UGT1A10: variants seen among roughly 807,000 people sequenced by gnomAD.
The protein encoded by UGT1A10 is UDP-glucuronosyltransferase 1A10.
In UGT1A10, 49 loss-of-function variants were observed where a neutral mutation model predicts 45.8. That is an observed-to-expected ratio of 1.07 (90% CI 0.85 to 1.36). UGT1A10 has a LOEUF of 1.36. UGT1A10 is among the 40% of genes most tolerant of loss of function. UGT1A10 has a pLI of 0.00. For synonymous variants in UGT1A10, 284 were observed against 249.7 expected (o/e 1.14, Z -1.29); for missense variants, 745 against 668.6 (o/e 1.11, Z -1.26).
intron 1 of UGT1A10, among the ~76,000 whole-genome samples, chr2:233,759,016 T>G (rs1226235816): frequency 6.6e-6 from 1 of 152,208 alleles, no homozygotes; most frequent in Non-Finnish European, 1.5e-5. Context: ...TTAATTGAAT[T>G]TGCTTATCTA....
chr2:233,689,749 A>G (rs891969745), intron 1 of UGT1A10: 5 of 278,212 alleles, frequency 1.8e-5, no homozygotes, highest in Non-Finnish European at 3.6e-5. Flanking sequence ...GTGGGAGTCC[A>G]GGTTTCTGAA....
At chr2:233,668,772 T>C (rs528499754) in intron 1 of UGT1A10, among the ~76,000 whole-genome samples, 1 of 152,340 alleles carries the variant, frequency 6.6e-6, no homozygotes, top group South Asian at 2.1e-4. Flanking sequence ...TGAACCAAAG[T>C]CTATGTTTTC....
intron 1 of UGT1A10, chr2:233,761,265 GC>G: frequency 2.5e-6 from 4 of 1,595,896 alleles, no homozygotes; most frequent in Non-Finnish European, 3.4e-6. Context: ...AATTTAAAAT[GC>G]CCTCTTTTGT....
chr2:233,763,230 T>C (rs1698265609), intron 1 of UGT1A10, among the ~76,000 whole-genome samples: 1 of 152,252 alleles, frequency 6.6e-6, no homozygotes, highest in African/African-American at 2.4e-5. Context: ...AATATGTTTT[T>C]AAATTGTACC....
At chr2:233,746,034 G>A (rs1246019624) in intron 1 of UGT1A10, among the ~76,000 whole-genome samples, 1 of 151,740 alleles carries the variant, frequency 6.6e-6, no homozygotes, top group East Asian at 1.9e-4. Flanking sequence ...GCACTTACTT[G>A]CTGGCTTGGA....
intron 1 of UGT1A10, among the ~76,000 whole-genome samples, chr2:233,717,363 T>C (rs2076566761): frequency 6.6e-6 from 1 of 152,216 alleles, no homozygotes; most frequent in Admixed American, 6.5e-5. Context: ...TGGGGAGTTC[T>C]CAAGCCCTTA....
At chr2:233,739,018 C>T (rs1339173846) in intron 1 of UGT1A10, 1 of 152,272 alleles carries the variant, frequency 6.6e-6, no homozygotes, top group Non-Finnish European at 1.5e-5. Flanking sequence ...TGGCTCCAGC[C>T]ATGGCTAAAA....
At chr2:233,756,094 T>C (rs908379674) in intron 1 of UGT1A10, 2 of 152,220 alleles carry the variant, frequency 1.3e-5, no homozygotes, top group African/African-American at 4.8e-5. Flanking sequence ...CAAGTAACAT[T>C]ATTACGGAAA....
intron 1 of UGT1A10, among the ~76,000 whole-genome samples, chr2:233,670,147 A>G (rs1395767311): frequency 6.6e-6 from 1 of 152,254 alleles, no homozygotes; most frequent in Non-Finnish European, 1.5e-5. Flanking sequence ...AGAAAATGTT[A>G]TTAAGAAAAT....
At chr2:233,758,428 C>T (rs1696877541) in intron 1 of UGT1A10, among the ~76,000 whole-genome samples, 2 of 152,212 alleles carry the variant, frequency 1.3e-5, no homozygotes. Context: ...CAAATGAACT[C>T]ACACAGCATT....
chr2:233,729,884 C>T, intron 1 of UGT1A10: 2 of 1,613,892 alleles, frequency 1.2e-6, no homozygotes, highest in Non-Finnish European at 1.7e-6. Context: ...AGTCATGCAT[C>T]TGTGTGGCTG....
chr2:233,690,402 C>T (rs1273231905), intron 1 of UGT1A10: 1 of 1,162,898 alleles, frequency 8.6e-7, no homozygotes, highest in Admixed American at 2.5e-5. Flanking sequence ...TTCCTATTCC[C>T]AACATGAAAT....
intron 1 of UGT1A10, chr2:233,691,515 G>A: frequency 3.0e-6 from 3 of 985,716 alleles, no homozygotes; most frequent in Non-Finnish European, 2.4e-6. Context: ...TGCCAGCCAG[G>A]TGTGCATGAC....
At position 233,762,076 on chromosome 2, in the gene UGT1A10, C is replaced by T. The variant is rs543302541; in HGVS notation, c.856-4958C>T. ...CTTCATAGCACATCAAATATGGCAG[C>T]CATTTCACTTAGATAGTTGTTGATT... On this transcript the variant is annotated intron_variant, in intron 1 of 4. Coordinates refer to ENST00000344644, the MANE Select transcript of UGT1A10 (RefSeq NM_019075.4). Among the ~76,000 whole-genome samples the T allele has an allele frequency of 4.6e-5, 7 of 152,184 alleles. No homozygotes were observed. The East Asian group carries it at 1.4e-3, about 29-fold the overall frequency.
chr2:233,734,491 GT>G (rs528831440), intron 1 of UGT1A10, among the ~76,000 whole-genome samples: 1 of 151,904 alleles, frequency 6.6e-6, no homozygotes, highest in Non-Finnish European at 1.5e-5. Context: ...TTTTTTGAAG[GT>G]TTTTTTGTGT....
intron 1 of UGT1A10, among the ~76,000 whole-genome samples, chr2:233,684,354 T>C (rs1407192831): frequency 5.9e-5 from 9 of 152,156 alleles, no homozygotes; most frequent in African/African-American, 1.9e-4. Flanking sequence ...TGTCAAAGTG[T>C]CTCTCCCCTG....
At chr2:233,743,484 G>T (rs773869804) in intron 1 of UGT1A10, 2 of 1,367,080 alleles carry the variant, frequency 1.5e-6, no homozygotes, top group Non-Finnish European at 2.0e-6. Flanking sequence ...GAAATTCACT[G>T]AAGGCAGAGA....
intron 1 of UGT1A10, among the ~76,000 whole-genome samples, chr2:233,702,761 G>T (rs2125590907): frequency 1.3e-5 from 2 of 152,252 alleles, no homozygotes; most frequent in South Asian, 4.1e-4. Flanking sequence ...AGTGATATGT[G>T]TTAATTGATT....
At chr2:233,737,717 C>A (rs2078914941) in intron 1 of UGT1A10, among the ~76,000 whole-genome samples, 1 of 152,178 alleles carries the variant, frequency 6.6e-6, no homozygotes, top group South Asian at 2.1e-4. Flanking sequence ...CTCTCCAACA[C>A]CTCCTTTTTT....
Sources: gnomAD v4.1 joint callset for allele counts (sites outside exome capture counted in the v4.1 genomes callset) on GRCh38, gnomAD v4.1.1 for gene constraint, MANE v1.5 for transcripts, NCBI Gene and HGNC (gene_info 2026-07-23, HGNC 2026-07-21) for gene names.